The following IL31RA variants were observed in gnomAD, a reference collection of about 807,000 sequenced individuals.
IL31RA encodes interleukin 31 receptor A.
In IL31RA, 66 loss-of-function variants were observed where a neutral mutation model predicts 83.7. That is an observed-to-expected ratio of 0.79 (90% CI 0.65 to 0.97). The LOEUF (loss-of-function observed/expected upper bound fraction) is 0.97, where lower values mean the gene tolerates loss of function less well. Among genes scored for constraint, IL31RA ranks in the 50% least tolerant of loss-of-function variants. The probability of loss-of-function intolerance (pLI) is 0.00; values close to 1 mark genes in which losing one functional copy is unlikely to be tolerated. For synonymous variants in IL31RA, 325 were observed against 329.0 expected (o/e 0.99, Z 0.13); for missense variants, 798 against 919.4 (o/e 0.87, Z 1.71).
chr5:55,875,687 A>T (rs1386839585), intron 4 of IL31RA, among the ~76,000 whole-genome samples: 3 of 152,204 alleles, frequency 2.0e-5, no homozygotes, highest in Non-Finnish European at 4.4e-5. Context: ...ATGTATTATT[A>T]CTTTAGCAAT....
In IL31RA at chr5:55,920,933, A is replaced by G. The variant is rs982902692; in HGVS notation, c.*3813A>G. Among the ~76,000 whole-genome samples the G allele has an allele frequency of 9.2e-5, 14 of 151,944 alleles. No individual in the cohort carries two copies. Among genetic ancestry groups the G allele is most frequent in the African/African-American group, 3.4e-4 (14 of 41,364 alleles). On this transcript the variant is annotated 3_prime_UTR_variant, in exon 15 of 15. Transcript: ENST00000652347. ...TTGGTGATGCCTGGAGATATTTTTG[A>G]TTGTCACGACTGGGAAGGTGCTACT... is the stretch of plus-strand genomic sequence containing the variant.
intron 2 of IL31RA, among the ~76,000 whole-genome samples, chr5:55,867,225 G>GCA (rs1561543414): frequency 8.2e-6 from 1 of 121,810 alleles, no homozygotes; most frequent in African/African-American, 3.8e-5. Context: ...GTGTGTTTGT[G>GCA]TGTGTGTTTG....
In IL31RA at chr5:55,851,489, T is replaced by A; in HGVS notation, c.-82T>A. The A allele has an allele frequency of 6.2e-7, 1 of 1,613,160 alleles. No homozygotes were observed. The highest frequency in any genetic ancestry group is 1.1e-5 in the South Asian group (1 of 91,046). On this transcript the variant is annotated 5_prime_UTR_variant, in exon 1 of 15. Transcript: ENST00000652347. ...TAGTAATAACCAGCATGGCACTAAATAGACCATGAAAAGACATGTGTGTGC... is the reference window on the plus strand; with the variant it reads ...TAGTAATAACCAGCATGGCACTAAAAAGACCATGAAAAGACATGTGTGTGC...
At chr5:55,898,581 T>A (rs1748583815) in intron 7 of IL31RA, among the ~76,000 whole-genome samples, 2 of 150,910 alleles carry the variant, frequency 1.3e-5, no homozygotes, top group Non-Finnish European at 2.9e-5. Context: ...AAAAAGATTT[T>A]AAATAACATA....
intron 6 of IL31RA, among the ~76,000 whole-genome samples, chr5:55,893,289 T>G (rs1050092625): frequency 6.6e-6 from 1 of 152,362 alleles, no homozygotes; most frequent in Non-Finnish European, 1.5e-5. Flanking sequence ...TATTGCTGTA[T>G]CTGATTACAG....
intron 3 of IL31RA, among the ~76,000 whole-genome samples, chr5:55,871,592 T>C (rs1746508287): frequency 6.6e-6 from 1 of 152,216 alleles, no homozygotes; most frequent in Admixed American, 6.5e-5. Flanking sequence ...TATACCAATG[T>C]TCAAAAATTC....
intron 4 of IL31RA, among the ~76,000 whole-genome samples, chr5:55,877,857 A>G (rs898687724): frequency 1.3e-5 from 2 of 152,036 alleles, no homozygotes; most frequent in Non-Finnish European, 2.9e-5. Context: ...GGATTTGTAG[A>G]TTTGTGTATT....
At position 55,908,408 on chromosome 5, in the gene IL31RA, T is replaced by C. The variant is rs1749289510; in HGVS notation, c.1498T>C (p.Phe500Leu). 1 of 1,614,036 alleles carries C rather than the reference T, an allele frequency of 6.2e-7. No homozygotes were observed. Among genetic ancestry groups the C allele is most frequent in the African/African-American group, 1.3e-5 (1 of 74,912 alleles). The change falls in exon 11 of 15, where the codon TTC (phenylalanine) becomes CTC (leucine). Residue 500 changes from phenylalanine (F) to leucine (L), a missense_variant. By Grantham distance (22) the Phe-to-Leu change is conservative. Transcript: ENST00000652347. ...IFYQAEGGKG[F>L]SKTVNSSILQ... is the part of the protein sequence containing the mutation. ...TTACCAAGCTGAAGGTGGAAAAGGA[T>C]TCTGTAAGCACGCCCATAGCGAAGT...
chr5:55,904,843 T>TTC (rs1449334409), intron 8 of IL31RA, among the ~76,000 whole-genome samples: 1 of 151,150 alleles, frequency 6.6e-6, no homozygotes, highest in African/African-American at 2.4e-5. Context: ...TTCTTTTTTT[T>TTC]TTTTTTTTTG....
At chr5:55,886,409 G>A (rs561695731) in intron 5 of IL31RA, among the ~76,000 whole-genome samples, 4 of 151,656 alleles carry the variant, frequency 2.6e-5, no homozygotes, top group East Asian at 3.9e-4. Context: ...AAGTAGCTGC[G>A]ATTACAGGCT....
intron 2 of IL31RA, among the ~76,000 whole-genome samples, chr5:55,862,554 G>A (rs181967522): frequency 2.6e-5 from 4 of 152,232 alleles, no homozygotes; most frequent in East Asian, 1.9e-4. Context: ...GATTATAGGC[G>A]TGTGCCACCA....
At chr5:55,862,691 G>A (rs1745760842) in intron 2 of IL31RA, among the ~76,000 whole-genome samples, 1 of 152,200 alleles carries the variant, frequency 6.6e-6, no homozygotes, top group Non-Finnish European at 1.5e-5. Context: ...ACAGGTGTGA[G>A]CCACTATGCT....
Position 55,922,054 on chromosome 5 carries a change from C to CGG in IL31RA, c.*4945_*4946dup, listed in dbSNP as rs56052025. On this transcript the variant is annotated 3_prime_UTR_variant, in exon 15 of 15. Coordinates refer to ENST00000652347, the MANE Select transcript of IL31RA (RefSeq NM_139017.7). ...AGTGTCTTGCACTCTTATGTTGTGGCGGGGGGGGGGGGCGGTTCCTGAAGA... is the reference window on the plus strand; with the variant it reads ...AGTGTCTTGCACTCTTATGTTGTGGCGGGGGGGGGGGGGGCGGTTCCTGAAGA... Among the ~76,000 whole-genome samples, 443 of 70,112 alleles carry CGG rather than the reference C, an allele frequency of 6.3e-3. 3 individuals are homozygous for CGG. The highest frequency in any genetic ancestry group is 0.022 in the South Asian group (40 of 1,786). The allele number at this position is 70,112 out of a possible 152,430, so 46.0% of individuals were successfully genotyped here. A position where few individuals can be genotyped will look rare whatever the true frequency, so the allele number is the denominator to read the frequency against.
chr5:55,914,729 C>T (rs1749687259), intron 13 of IL31RA, 118 bp from the exon 14 acceptor site: 2 of 805,628 alleles, frequency 2.5e-6, no homozygotes, highest in East Asian at 2.6e-5. Flanking sequence ...CAGACATGCC[C>T]TTATTTAGGA....
intron 8 of IL31RA, 35 bp from the exon 9 acceptor site, chr5:55,906,071 G>A (rs1178374738): frequency 6.2e-7 from 1 of 1,607,638 alleles, no homozygotes; most frequent in South Asian, 1.1e-5. Flanking sequence ...GAATGAGTTG[G>A]GTAGCTGTGA....
Position 55,872,266 on chromosome 5 carries a change from A to C in IL31RA, c.273-4A>C, listed in dbSNP as rs1484791802. 1.9e-6 allele frequency: 3 copies of C among 1,608,294 alleles called. No homozygotes were observed. Among genetic ancestry groups the C allele is most frequent in the Middle Eastern group, 1.7e-4 (1 of 5,762 alleles). On this transcript the variant is annotated splice_polypyrimidine_tract_variant and splice_region_variant and intron_variant, in intron 3 of 14. Transcript: ENST00000652347. ...CTCATGTTGAATCACTTTTTCTTTCAAAGCGCTTTTGGAGAAAAACATGAT... is the reference window on the plus strand; with the variant it reads ...CTCATGTTGAATCACTTTTTCTTTCCAAGCGCTTTTGGAGAAAAACATGAT...
intron 5 of IL31RA, among the ~76,000 whole-genome samples, chr5:55,887,140 A>T (rs1747668554): frequency 6.6e-6 from 1 of 152,256 alleles, no homozygotes; most frequent in African/African-American, 2.4e-5. Context: ...ATTATGAGTA[A>T]CAAAGAGCTT....
At position 55,910,597 on chromosome 5, in the gene IL31RA, A is replaced by G. The variant is rs551588864; in HGVS notation, c.1567A>G (p.Ile523Val). The G allele has an allele frequency of 3.1e-6, 5 of 1,614,090 alleles. No homozygotes were observed. The highest frequency in any genetic ancestry group is 2.7e-5 in the African/African-American group (2 of 75,030). The stretch of plus-strand genomic sequence containing the variant: ...GTCCCTGAAACGAAAGACCTCTTAC[A>G]TTGTTCAGGTCATGGCCAGCACCAG... The part of the protein sequence containing the change: ...LESLKRKTSY[I>V]VQVMASTSAG... The change falls in exon 12 of 15, where the codon ATT becomes GTT. Residue 523 changes from isoleucine to valine, a missense_variant. Ile to Val is a conservative substitution (Grantham distance 29). Coordinates refer to ENST00000652347, the MANE Select transcript of IL31RA (RefSeq NM_139017.7).
chr5:55,880,281 G>C (rs1352783722), intron 4 of IL31RA, among the ~76,000 whole-genome samples: 1 of 152,140 alleles, frequency 6.6e-6, no homozygotes, highest in African/African-American at 2.4e-5. Flanking sequence ...TAGCTACCAA[G>C]AGTTTTCTGA....
Sources: gnomAD v4.1 joint callset for allele counts (sites outside exome capture counted in the v4.1 genomes callset) on GRCh38, gnomAD v4.1.1 for gene constraint, MANE v1.5 for transcripts, NCBI Gene and HGNC (gene_info 2026-07-23, HGNC 2026-07-21) for gene names.